Variants in SYNPR observed in about 807,000 individuals in gnomAD.
SYNPR encodes synaptoporin.
SYNPR carries 23 observed loss-of-function variants against 32.9 expected under a neutral mutation model. That is an observed-to-expected ratio of 0.70 (90% CI 0.50 to 0.99). SYNPR has a LOEUF of 0.99. Ranked by LOEUF, SYNPR falls within the 50% of genes least tolerant of loss-of-function variation. SYNPR has a pLI of 0.00. For synonymous variants in SYNPR, 146 were observed against 135.9 expected (o/e 1.07, Z -0.52); for missense variants, 318 against 349.3 (o/e 0.91, Z 0.71).
At chr3:63,392,742 C>G (rs559628254) in intron 2 of SYNPR, among the ~76,000 whole-genome samples, 1 of 152,214 alleles carries the variant, frequency 6.6e-6, no homozygotes, top group Non-Finnish European at 1.5e-5. Flanking sequence ...CCGGATAATG[C>G]TATAACTCAG....
chr3:63,548,835 G>A (rs1191720370), intron 3 of SYNPR, among the ~76,000 whole-genome samples: 1 of 152,088 alleles, frequency 6.6e-6, no homozygotes, highest in East Asian at 1.9e-4. Context: ...CTGCCCTTGG[G>A]ACATGTCATT....
intron 2 of SYNPR, among the ~76,000 whole-genome samples, chr3:63,378,263 C>G (rs1318990961): frequency 1.3e-5 from 2 of 151,690 alleles, no homozygotes; most frequent in Non-Finnish European, 2.9e-5. Context: ...TCTTTAAACT[C>G]TATTATGGAA....
chr3:63,355,264 G>A (rs568513748), intron 2 of SYNPR, among the ~76,000 whole-genome samples: 18 of 147,226 alleles, frequency 1.2e-4, no homozygotes, highest in African/African-American at 4.5e-4. Flanking sequence ...GGGTGACAGA[G>A]TGAGACCCTG....
chr3:63,209,246 G>A, the SYNPR span, among the ~76,000 whole-genome samples: 2 of 151,244 alleles, frequency 1.3e-5, no homozygotes, highest in East Asian at 2.0e-4. Context: ...TGAACCCGGG[G>A]GGCGGAGCCT....
chr3:63,336,531 A>G (rs2087297578), intron 2 of SYNPR, among the ~76,000 whole-genome samples: 1 of 15,784 alleles, frequency 6.3e-5, no homozygotes, highest in African/African-American at 1.9e-4. Flanking sequence ...AAAAAAAAAA[A>G]AAAAAAAAAA....
At chr3:63,442,164 A>AGTGTGTGTGT (rs34163380) in intron 2 of SYNPR, among the ~76,000 whole-genome samples, 1,739 of 148,400 alleles carry the variant, frequency 0.012, 33 homozygotes, top group African/African-American at 0.037. Context: ...TGGTAGTGAT[A>AGTGTGTGTGT]GTGTGTGTGT....
intron 2 of SYNPR, among the ~76,000 whole-genome samples, chr3:63,316,294 G>A (rs539264576): frequency 1.3e-5 from 2 of 152,102 alleles, no homozygotes; most frequent in African/African-American, 2.4e-5. Context: ...TTGTGGAAGA[G>A]TGTTAAAAGG....
chr3:63,496,601 C>T (rs1468848822), intron 3 of SYNPR, among the ~76,000 whole-genome samples: 1 of 152,120 alleles, frequency 6.6e-6, no homozygotes, highest in African/African-American at 2.4e-5. Flanking sequence ...ATATGCCTAT[C>T]AGGAAGATAT....
At chr3:63,533,914 G>A (rs375142987) in intron 3 of SYNPR, among the ~76,000 whole-genome samples, 76 of 152,230 alleles carry the variant, frequency 5.0e-4, no homozygotes, top group African/African-American at 1.7e-3. Context: ...GAGATTGAGT[G>A]TTTTGGCAAC....
intron 1 of SYNPR, among the ~76,000 whole-genome samples, chr3:63,244,217 G>A (rs7631923): frequency 0.53 from 80,846 of 151,804 alleles, 22,326 homozygotes; most frequent in Non-Finnish European, 0.59. Context: ...TGAAGGAACT[G>A]GAGCCACACA....
At chr3:63,306,322 T>A (rs1243584081) in intron 2 of SYNPR, among the ~76,000 whole-genome samples, 1 of 151,936 alleles carries the variant, frequency 6.6e-6, no homozygotes, top group Non-Finnish European at 1.5e-5. Flanking sequence ...GAGAGGGTTC[T>A]CCATATGCTC....
At chr3:63,539,327 A>G (rs4616634) in intron 3 of SYNPR, among the ~76,000 whole-genome samples, 37,533 of 151,832 alleles carry the variant, frequency 0.25, 4,737 homozygotes, top group East Asian at 0.33. Context: ...ACAAGTTTTA[A>G]TTCCTGGGCT....
intron 3 of SYNPR, among the ~76,000 whole-genome samples, chr3:63,517,587 C>T (rs1268887066): frequency 6.6e-6 from 1 of 152,122 alleles, no homozygotes; most frequent in African/African-American, 2.4e-5. Flanking sequence ...ATGTTTTACT[C>T]CTTTTAGAAT....
At chr3:63,558,986 C>T (rs1452449367) in intron 4 of SYNPR, among the ~76,000 whole-genome samples, 1 of 151,070 alleles carries the variant, frequency 6.6e-6, no homozygotes, top group Non-Finnish European at 1.5e-5. Context: ...AATATCTGTT[C>T]ATTATAACAG....
chr3:63,597,040 G>C (rs1292509682), intron 4 of SYNPR, among the ~76,000 whole-genome samples: 1 of 152,034 alleles, frequency 6.6e-6, no homozygotes, highest in African/African-American at 2.4e-5. Context: ...TAATAATTTT[G>C]ATGTATTGGG....
chr3:63,563,535 C>G (rs1469039628), intron 4 of SYNPR, among the ~76,000 whole-genome samples: 1 of 152,112 alleles, frequency 6.6e-6, no homozygotes, highest in Non-Finnish European at 1.5e-5. Context: ...TTCCCTCTCT[C>G]CCTCTCCCCA....
At chr3:63,587,782 C>G (rs1431260397) in intron 4 of SYNPR, among the ~76,000 whole-genome samples, 7 of 151,888 alleles carry the variant, frequency 4.6e-5, no homozygotes, top group Non-Finnish European at 1.0e-4. Flanking sequence ...GTTGGATTAC[C>G]TCGGAGCAGT....
At chr3:63,552,710 T>A (rs1423441493) in intron 3 of SYNPR, among the ~76,000 whole-genome samples, 5 of 152,110 alleles carry the variant, frequency 3.3e-5, no homozygotes, top group African/African-American at 4.8e-5. Context: ...ACTTTAAAAA[T>A]ATATATATCC....
chr3:63,567,258 A>G (rs1702806169), intron 4 of SYNPR, among the ~76,000 whole-genome samples: 1 of 152,014 alleles, frequency 6.6e-6, no homozygotes, highest in Non-Finnish European at 1.5e-5. Flanking sequence ...AAATCAGCCA[A>G]CCAGCCTCCA....
Sources: allele counts gnomAD v4.1 joint callset (sites outside exome capture counted in the v4.1 genomes callset), GRCh38; gene constraint gnomAD v4.1.1; transcripts MANE v1.5; gene names NCBI Gene and HGNC (gene_info 2026-07-23, HGNC 2026-07-21).